PCDHGB3: variants seen among roughly 807,000 people sequenced by gnomAD.
The protein encoded by PCDHGB3 is protocadherin gamma subfamily B, 3.
Under a neutral mutation model 59.2 loss-of-function variants are expected in PCDHGB3, and 40 were observed. That is an observed-to-expected ratio of 0.68 (90% CI 0.52 to 0.88). The LOEUF (loss-of-function observed/expected upper bound fraction) is 0.88, where lower values mean the gene tolerates loss of function less well. Among genes scored for constraint, PCDHGB3 ranks in the 40% least tolerant of loss-of-function variants. The pLI is 0.00. For synonymous variants in PCDHGB3, 581 were observed against 503.6 expected (o/e 1.15, Z -2.06); for missense variants, 1,309 against 1,187.9 (o/e 1.10, Z -1.50).
rs751805838 is a variant in PCDHGB3, at chr5:141,409,319, G to T, written c.2415+36510G>T. 3 of 1,613,988 alleles carry T rather than the reference G, an allele frequency of 1.9e-6. No homozygotes were observed. The Admixed American group carries it at 5.0e-5, about 27-fold the overall frequency. ...GGTTGTTGCCCTCTTCAAAACACGG[G>T]ATCTGGATTTCGGAGGAAATGGAGA... is the stretch of plus-strand genomic sequence containing the variant. On this transcript the variant is annotated intron_variant, in intron 1 of 3. Coordinates refer to ENST00000576222, the MANE Select transcript of PCDHGB3 (RefSeq NM_018924.5).
At chr5:141,481,357 G>A (rs1399668487) in intron 1 of PCDHGB3, among the ~76,000 whole-genome samples, 1 of 152,176 alleles carries the variant, frequency 6.6e-6, no homozygotes, top group Non-Finnish European at 1.5e-5. Context: ...ATCTACAGCT[G>A]TTCAATAGAT....
chr5:141,386,587 G>A (rs1423292010), intron 1 of PCDHGB3, among the ~76,000 whole-genome samples: 2 of 151,614 alleles, frequency 1.3e-5, no homozygotes, highest in African/African-American at 4.9e-5. Context: ...CAATAGTGTG[G>A]GGGATACATT....
intron 1 of PCDHGB3, among the ~76,000 whole-genome samples, chr5:141,382,084 C>A (rs1777939232): frequency 6.6e-6 from 1 of 152,102 alleles, no homozygotes; most frequent in South Asian, 2.1e-4. Flanking sequence ...CCGCCTCGGC[C>A]TCACAAAGTG....
chr5:141,399,106 T>C, intron 1 of PCDHGB3: 2 of 1,613,784 alleles, frequency 1.2e-6, no homozygotes, highest in Non-Finnish European at 1.7e-6. Context: ...GGTTGCACAA[T>C]GTACAGTTGA....
intron 1 of PCDHGB3, chr5:141,412,461 A>G (rs184499850): frequency 3.4e-4 from 52 of 152,338 alleles, no homozygotes; most frequent in African/African-American, 1.2e-3. Flanking sequence ...ACTATTCTAG[A>G]AGAGTACTTT....
At chr5:141,397,627 T>C (rs2093547800) in intron 1 of PCDHGB3, among the ~76,000 whole-genome samples, 1 of 152,224 alleles carries the variant, frequency 6.6e-6, no homozygotes, top group African/African-American at 2.4e-5. Context: ...TAGTTCTAGC[T>C]AAGAGTTCAA....
At chr5:141,400,796 A>G (rs2094076929) in intron 1 of PCDHGB3, 1 of 559,742 alleles carries the variant, frequency 1.8e-6, no homozygotes. Context: ...CCTCTTTCTC[A>G]AAGCTAATGA....
At position 141,449,665 on chromosome 5, in the gene PCDHGB3, G is replaced by T. The variant is rs144213743; in HGVS notation, c.2416-45142G>T. 9.3e-5 allele frequency among the ~76,000 whole-genome samples: 14 copies of T among 150,156 alleles called. No individual in the cohort carries two copies. In the East Asian group the frequency reaches 2.7e-3, roughly 29 times the overall value. Reference sequence around the variant, plus strand: ...TATACATATTTACATACACACCCAAGTGTGTATGTATATATGTTTGTGTGT... The same window carrying T: ...TATACATATTTACATACACACCCAATTGTGTATGTATATATGTTTGTGTGT... On this transcript the variant is annotated intron_variant, in intron 1 of 3. Coordinates refer to ENST00000576222, the MANE Select transcript of PCDHGB3 (RefSeq NM_018924.5).
rs1437409726 is a variant in PCDHGB3, at chr5:141,471,036, C to T, written c.2416-23771C>T. Among the ~76,000 whole-genome samples the T allele has an allele frequency of 2.8e-5, 4 of 144,908 alleles. No homozygotes were observed. The South Asian group carries it at 6.5e-4, about 24-fold the overall frequency. ...CTGGTCAATCATTTTTATTAACAAG[C>T]CCAAGCCCTCTTTTTTTTTTTTTTT... On this transcript the variant is annotated intron_variant, in intron 1 of 3. Transcript: ENST00000576222.
At chr5:141,420,824 C>T (rs1282369085) in intron 1 of PCDHGB3, among the ~76,000 whole-genome samples, 1 of 152,216 alleles carries the variant, frequency 6.6e-6, no homozygotes, top group Admixed American at 6.5e-5. Context: ...TTAATAATTA[C>T]TCCTTTCGCA....
chr5:141,375,138 G>A (rs778788428), intron 1 of PCDHGB3: 2 of 1,613,922 alleles, frequency 1.2e-6, no homozygotes. Context: ...GTTACATCTG[G>A]AAGCAGAACA....
At position 141,370,752 on chromosome 5, in the gene PCDHGB3, A is replaced by G. The variant is rs1561547929; in HGVS notation, c.358A>G (p.Thr120Ala). ...AAAGCCTTTAAACTTTTTTCATGTAACTGTGCTGATCCAGGATATTAACGA... is the reference window on the plus strand; with the variant it reads ...AAAGCCTTTAAACTTTTTTCATGTAGCTGTGCTGATCCAGGATATTAACGA... Reference protein sequence around the residue: ...AEKPLNFFHVTVLIQDINDNP... With the variant: ...AEKPLNFFHVAVLIQDINDNP... The change falls in exon 1 of 4, where the codon ACT becomes GCT. Residue 120 changes from threonine (T) to alanine (A), a missense_variant. By Grantham distance (58) the Thr-to-Ala change is moderately conservative. Transcript: ENST00000576222. 1 of 1,613,836 alleles carries G rather than the reference A, an allele frequency of 6.2e-7. No homozygotes were observed. Among genetic ancestry groups the G allele is most frequent in the African/African-American group, 1.3e-5 (1 of 74,916 alleles).
intron 1 of PCDHGB3, chr5:141,415,739 G>GTTTTT (rs1561759437): frequency 2.3e-6 from 1 of 434,538 alleles, no homozygotes; most frequent in African/African-American, 3.3e-5. Flanking sequence ...TGTTTATTAA[G>GTTTTT]GTTTTTTTTT....
chr5:141,488,054 A>G (rs1255295788), intron 1 of PCDHGB3, among the ~76,000 whole-genome samples: 1 of 152,206 alleles, frequency 6.6e-6, no homozygotes, highest in Admixed American at 6.5e-5. Flanking sequence ...TTGAGGGGAA[A>G]TAAAATCTTT....
intron 1 of PCDHGB3, chr5:141,419,244 C>T (rs2096349736): frequency 1.2e-6 from 2 of 1,614,008 alleles, no homozygotes; most frequent in Non-Finnish European, 1.7e-6. Context: ...GTCCACGTGC[C>T]AGAAAACAAC....
intron 1 of PCDHGB3, chr5:141,413,757 G>C (rs2095674818): frequency 1.2e-6 from 2 of 1,612,920 alleles, no homozygotes; most frequent in African/African-American, 2.7e-5. Flanking sequence ...ATGGCGTCAA[G>C]TACCCGGAGC....
rs951964805 is a variant in PCDHGB3, at chr5:141,512,109, C to A, written c.*936C>A. The A allele has an allele frequency of 1.0e-4, 16 of 152,656 alleles. No individual in the cohort carries two copies. The highest frequency in any genetic ancestry group is 1.5e-5 in the Non-Finnish European group (1 of 68,058). 9.5% of individuals were successfully genotyped at this position (152,656 alleles called of 1,614,324 possible). Reference sequence around the variant, plus strand: ...ACCAATAACTAGGCTGGACCCTTCCCACTACATAATAGGGCTCAGCCCAGG... The same window carrying A: ...ACCAATAACTAGGCTGGACCCTTCCAACTACATAATAGGGCTCAGCCCAGG... On this transcript the variant is annotated 3_prime_UTR_variant, in exon 4 of 4. Coordinates refer to ENST00000576222, the MANE Select transcript of PCDHGB3 (RefSeq NM_018924.5).
intron 1 of PCDHGB3, chr5:141,403,596 C>T: frequency 6.2e-7 from 1 of 1,613,768 alleles, no homozygotes; most frequent in Non-Finnish European, 8.5e-7. Context: ...CTCACGGCCT[C>T]GGATGGCGGC....
Position 141,476,021 on chromosome 5 carries a change from C to T in PCDHGB3, c.2416-18786C>T. The T allele has an allele frequency of 7.1e-7, 1 of 1,400,498 alleles. No individual in the cohort carries two copies. The highest frequency in any genetic ancestry group is 1.4e-5 in the South Asian group (1 of 71,458). 86.8% of individuals were successfully genotyped at this position (1,400,498 alleles called of 1,614,324 possible). A position where few individuals can be genotyped will look rare whatever the true frequency, so the allele number is the denominator to read the frequency against. ...GGCATCCAGAAAGCCATGTCGGACT[C>T]GGCGCCCAGCGCCCAAGCGCTAACC... On this transcript the variant is annotated intron_variant, in intron 1 of 3. Coordinates refer to ENST00000576222, the MANE Select transcript of PCDHGB3 (RefSeq NM_018924.5). This position sits in a 1 kb window ranked among gnomAD's most constrained non-coding sequence, Gnocchi z 7.6.
Sources: gnomAD v4.1 joint callset for allele counts (sites outside exome capture counted in the v4.1 genomes callset) on GRCh38, gnomAD v4.1.1 for gene constraint, Gnocchi (gnomAD v3.1) non-coding constraint, MANE v1.5 for transcripts, NCBI Gene and HGNC (gene_info 2026-07-23, HGNC 2026-07-21) for gene names.